TENM3: variants seen among roughly 807,000 people sequenced by gnomAD.
TENM3 encodes teneurin-3.
Under a neutral mutation model 255.1 loss-of-function variants are expected in TENM3, and 63 were observed. The observed-to-expected ratio is 0.25, with a 90% CI of 0.20 to 0.30. TENM3 has a LOEUF of 0.30. Among genes scored for constraint, TENM3 ranks in the 10% least tolerant of loss-of-function variants. The probability of loss-of-function intolerance (pLI) is 1.00; values close to 1 mark genes in which losing one functional copy is unlikely to be tolerated. For synonymous variants in TENM3, 1,306 were observed against 1,322.3 expected, an observed-to-expected ratio of 0.99 and a Z score of 0.27; for missense variants, 2,929 against 3,461.1, an observed-to-expected ratio of 0.85 and a Z score of 3.86.
chr4:182,054,208 T>C, the TENM3 span, among the ~76,000 whole-genome samples: 7 of 152,146 alleles, frequency 4.6e-5, no homozygotes, highest in African/African-American at 1.7e-4. Flanking sequence ...CAAGATGGCC[T>C]CTCCCTTCTC....
At chr4:182,638,365 T>C (rs186485449) in intron 5 of TENM3, among the ~76,000 whole-genome samples, 1 of 152,330 alleles carries the variant, frequency 6.6e-6, no homozygotes, top group Non-Finnish European at 1.5e-5. Flanking sequence ...GTCTGTATCC[T>C]ACATCGCAAA....
intron 3 of TENM3, among the ~76,000 whole-genome samples, chr4:182,448,585 G>A (rs1561457242): frequency 6.6e-6 from 1 of 152,186 alleles, no homozygotes; most frequent in South Asian, 2.1e-4. Flanking sequence ...AGCGCTGCCG[G>A]AGAACAGCTC....
At chr4:182,396,350 T>C (rs28453882) in intron 3 of TENM3, among the ~76,000 whole-genome samples, 26,088 of 152,166 alleles carry the variant, frequency 0.17, 3,114 homozygotes, top group East Asian at 0.32. Context: ...AGTCCTGATG[T>C]CTTCCACTTA....
At chr4:181,621,203 A>G in the TENM3 span, among the ~76,000 whole-genome samples, 3 of 152,208 alleles carry the variant, frequency 2.0e-5, no homozygotes, top group Non-Finnish European at 2.9e-5. Flanking sequence ...GAGTCCTTCA[A>G]CTTAATGATT....
At chr4:182,238,169 C>T (rs1245225616) in intron 1 of TENM3, among the ~76,000 whole-genome samples, 1 of 152,122 alleles carries the variant, frequency 6.6e-6, no homozygotes, top group Non-Finnish European at 1.5e-5. Context: ...TTCCTCGTGT[C>T]TTGGCTGCTT....
At chr4:181,486,120 C>G in the TENM3 span, among the ~76,000 whole-genome samples, 3 of 152,284 alleles carry the variant, frequency 2.0e-5, no homozygotes, top group South Asian at 6.2e-4. Context: ...ACCAGATTCA[C>G]ACTTCACCAC....
At chr4:181,698,176 T>C in the TENM3 span, among the ~76,000 whole-genome samples, 3 of 147,488 alleles carry the variant, frequency 2.0e-5, no homozygotes, top group Admixed American at 6.8e-5. Context: ...ATCACGCCAC[T>C]GCACTCCAGC....
At chr4:181,450,588 G>A in the TENM3 span, among the ~76,000 whole-genome samples, 18 of 152,230 alleles carry the variant, frequency 1.2e-4, no homozygotes, top group South Asian at 2.5e-3. Context: ...GAGTGTTTGC[G>A]CATCCAATTC....
chr4:181,761,643 A>G, the TENM3 span, among the ~76,000 whole-genome samples: 5 of 152,302 alleles, frequency 3.3e-5, no homozygotes, highest in Non-Finnish European at 7.4e-5. Flanking sequence ...GTACCATATT[A>G]TAGTTATTTT....
the TENM3 span, among the ~76,000 whole-genome samples, chr4:182,061,181 T>C: frequency 1.3e-5 from 2 of 152,320 alleles, no homozygotes; most frequent in Admixed American, 1.3e-4. Context: ...GTCCTTTCAC[T>C]TATCTCAGCC....
chr4:182,392,565 G>A (rs1372109920), intron 3 of TENM3, among the ~76,000 whole-genome samples: 1 of 152,200 alleles, frequency 6.6e-6, no homozygotes, highest in African/African-American at 2.4e-5. Flanking sequence ...ATGCAGACTG[G>A]GGAGGAGAGA....
chr4:181,754,147 A>G, the TENM3 span, among the ~76,000 whole-genome samples: 1 of 152,224 alleles, frequency 6.6e-6, no homozygotes, highest in African/African-American at 2.4e-5. Flanking sequence ...ACTGGCAATC[A>G]CATTAGTATA....
chr4:182,753,649 C>T (rs1428162420), intron 21 of TENM3, 45 bp downstream of exon 21: 4 of 1,591,102 alleles, frequency 2.5e-6, no homozygotes, highest in Non-Finnish European at 3.4e-6. Flanking sequence ...CTCTAGGTGA[C>T]TTGACTTATT....
chr4:182,679,386 C>T (rs1172114516), intron 7 of TENM3, among the ~76,000 whole-genome samples: 1 of 152,060 alleles, frequency 6.6e-6, no homozygotes, highest in African/African-American at 2.4e-5. Flanking sequence ...ACTCATCAAA[C>T]TTTTGATCAG....
chr4:181,546,587 G>T, the TENM3 span, among the ~76,000 whole-genome samples: 1 of 141,232 alleles, frequency 7.1e-6, no homozygotes. Flanking sequence ...GGTGGCGGAC[G>T]CCTGTAGTCC....
At chr4:181,628,975 T>G in the TENM3 span, among the ~76,000 whole-genome samples, 1 of 152,202 alleles carries the variant, frequency 6.6e-6, no homozygotes, top group Non-Finnish European at 1.5e-5. Context: ...GAGCATAGAA[T>G]GGTCTTCCAT....
chr4:182,559,720 C>T (rs1742948309), intron 3 of TENM3, among the ~76,000 whole-genome samples: 1 of 152,054 alleles, frequency 6.6e-6, no homozygotes, highest in Non-Finnish European at 1.5e-5. Flanking sequence ...AGTTTCTTTA[C>T]ACCTCTTGCT....
At chr4:182,526,683 C>T (rs1272036955) in intron 3 of TENM3, among the ~76,000 whole-genome samples, 2 of 152,122 alleles carry the variant, frequency 1.3e-5, no homozygotes, top group African/African-American at 4.8e-5. Flanking sequence ...GCTGAATGAC[C>T]GACTGAATAA....
the TENM3 span, among the ~76,000 whole-genome samples, chr4:181,809,454 G>T: frequency 5.3e-5 from 8 of 152,122 alleles, no homozygotes; most frequent in African/African-American, 7.2e-5. Context: ...GTATAAACAG[G>T]TGTCTCTGTT....
Sources: allele counts gnomAD v4.1 joint callset (sites outside exome capture counted in the v4.1 genomes callset), GRCh38; gene constraint gnomAD v4.1.1; transcripts MANE v1.5; gene names NCBI Gene and HGNC (gene_info 2026-07-23, HGNC 2026-07-21).